Variants in SARDH observed in about 807,000 individuals in gnomAD.
SARDH encodes the protein sarcosine dehydrogenase.
Under a neutral mutation model 109.1 loss-of-function variants are expected in SARDH, and 95 were observed. The observed-to-expected ratio is 0.87, with a 90% CI of 0.74 to 1.03. The LOEUF (loss-of-function observed/expected upper bound fraction) is 1.03, where lower values mean the gene tolerates loss of function less well. Ranked by LOEUF, SARDH falls within the 50% of genes least tolerant of loss-of-function variation. The pLI is 0.00. For missense variants in SARDH, 1,267 were observed against 1,287.8 expected, an observed-to-expected ratio of 0.98 and a Z score of 0.25; for synonymous variants, 572 against 534.8, an observed-to-expected ratio of 1.07 and a Z score of -0.96.
chr9:133,718,570 G>T lies in SARDH; in HGVS notation c.1020+368C>A. ...CTGCCCTAACCCCAGAAGCTGCCCG[G>T]GAAACAGCCCAGGCCAGGGGAAATG... is the stretch of plus-strand genomic sequence containing the variant. On this transcript the variant is annotated intron_variant, in intron 7 of 20. Coordinates refer to ENST00000439388, the MANE Select transcript of SARDH (RefSeq NM_001134707.2). The surrounding 1 kb of genome is among the most constrained non-coding windows in gnomAD (Gnocchi z 4.2). The T allele has an allele frequency of 1.4e-6, 1 of 738,444 alleles. No individual in the cohort carries two copies. The allele number at this position is 738,444 out of a possible 1,614,324, so 45.7% of individuals were successfully genotyped here. A position where few individuals can be genotyped will look rare whatever the true frequency, so the allele number is the denominator to read the frequency against.
chr9:133,728,016 C>T lies in SARDH; in HGVS notation c.915+1749G>A, dbSNP rs1832553053. Reference sequence around the variant, plus strand: ...GAGACCTGAGCGTGACCCCTGGCGGCCACCTAGGGGAGGAGGCTCTCCCCA... The same window carrying T: ...GAGACCTGAGCGTGACCCCTGGCGGTCACCTAGGGGAGGAGGCTCTCCCCA... On this transcript the variant is annotated intron_variant, in intron 6 of 20. Transcript: ENST00000439388. The surrounding 1 kb of genome is among the most constrained non-coding windows in gnomAD (Gnocchi z 5.0). Among the ~76,000 whole-genome samples the T allele has an allele frequency of 3.3e-5, 5 of 152,226 alleles. No individual in the cohort carries two copies. The South Asian group carries it at 1.0e-3, about 32-fold the overall frequency.
Position 133,666,707 on chromosome 9 carries a change from C to T in SARDH, c.2631+28G>A, listed in dbSNP as rs1163052906. 1 of 1,570,528 alleles carries T rather than the reference C, an allele frequency of 6.4e-7. No homozygotes were observed. The highest frequency in any genetic ancestry group is 1.9e-5 in the Admixed American group (1 of 53,188). Reference sequence around the variant, plus strand: ...GAGCTGGTGAGGGATCGGCATCTGCCTTAGCAGGGCCAGAGAAGGGGACTC... The same window carrying T: ...GAGCTGGTGAGGGATCGGCATCTGCTTTAGCAGGGCCAGAGAAGGGGACTC... On this transcript the variant is annotated intron_variant, in intron 20 of 20. Coordinates refer to ENST00000439388, the MANE Select transcript of SARDH (RefSeq NM_001134707.2). This position sits in a 1 kb window ranked among gnomAD's most constrained non-coding sequence, Gnocchi z 5.2.
At chr9:133,716,186 AC>A (rs1227016421) in intron 8 of SARDH, among the ~76,000 whole-genome samples, 1 of 151,920 alleles carries the variant, frequency 6.6e-6, no homozygotes. Context: ...CCACCCAGTC[AC>A]CCCATGCCTC....
In SARDH at chr9:133,666,946, A is replaced by G; in HGVS notation, c.2496-76T>C. 1 of 1,575,818 alleles carries G rather than the reference A, an allele frequency of 6.3e-7. No homozygotes were observed. The highest frequency in any genetic ancestry group is 8.6e-7 in the Non-Finnish European group (1 of 1,158,164). ...ACGCGTCCACAGCGGCCTGGAGGAG[A>G]ATGGGGGGCTGCATGATGCACACCC... On this transcript the variant is annotated intron_variant, in intron 19 of 20. Transcript: ENST00000439388. This position sits in a 1 kb window ranked among gnomAD's most constrained non-coding sequence, Gnocchi z 5.2.
intron 20 of SARDH, among the ~76,000 whole-genome samples, 178 bp from the exon 21 acceptor site, chr9:133,664,192 G>A (rs754446213): frequency 6.6e-6 from 1 of 152,210 alleles, no homozygotes; most frequent in African/African-American, 2.4e-5. Flanking sequence ...TGCAGTTCGT[G>A]TCCATGTGAT....
At chr9:133,711,891 G>A (rs1007997544) in intron 10 of SARDH, among the ~76,000 whole-genome samples, 4 of 152,154 alleles carry the variant, frequency 2.6e-5, no homozygotes, top group African/African-American at 4.8e-5. Flanking sequence ...AGAGGCCACC[G>A]CCATGAGGAC....
chr9:133,722,779 A>T (rs923238678), intron 6 of SARDH, among the ~76,000 whole-genome samples: 2 of 151,644 alleles, frequency 1.3e-5, no homozygotes, highest in African/African-American at 4.9e-5. Context: ...GGTTCAAGTG[A>T]TTCTCCTGCC....
intron 14 of SARDH, among the ~76,000 whole-genome samples, chr9:133,695,164 C>G (rs1831238611): frequency 6.6e-6 from 1 of 152,182 alleles, no homozygotes; most frequent in Admixed American, 6.5e-5. Flanking sequence ...TGCTGTCCTT[C>G]TAACACGGTG....
rs59643474 is a variant in SARDH, at chr9:133,667,194, G to GTTT, written c.2496-327_2496-325dup. The GTTT allele has an allele frequency of 6.0e-4, 192 of 321,998 alleles. 1 individual carries two copies. Among genetic ancestry groups the GTTT allele is most frequent in the South Asian group, 8.9e-4 (17 of 19,134 alleles). 19.9% of individuals were successfully genotyped at this position (321,998 alleles called of 1,614,324 possible). On this transcript the variant is annotated intron_variant, in intron 19 of 20. Transcript: ENST00000439388. ...TTCCTTCCATTGTTGTTCAACTCTG[G>GTTT]TTTTTTTTTTTTTTTTTTTTTTGGT...
At chr9:133,688,112 G>A (rs776280626) in intron 16 of SARDH, among the ~76,000 whole-genome samples, 73 of 152,190 alleles carry the variant, frequency 4.8e-4, no homozygotes, top group Admixed American at 7.8e-4. Context: ...TGGCAATGAA[G>A]CCAGAGGATT....
chr9:133,659,795 C>T (rs957195052), downstream of SARDH, among the ~76,000 whole-genome samples: 1 of 152,286 alleles, frequency 6.6e-6, no homozygotes, highest in Middle Eastern at 3.4e-3. Flanking sequence ...CCTGGAGAGC[C>T]ACTCCGGCCC....
In SARDH at chr9:133,734,245, C is replaced by A. The variant is rs575836687; in HGVS notation, c.-30-42G>T. On this transcript the variant is annotated intron_variant, in intron 1 of 20. Transcript: ENST00000439388. ...AGCTGGGTGGGGTGCAGAGGGGACA[C>A]GCTGGGGGCTGTGCTGAGTACCCAG... 4.9e-5 allele frequency: 67 copies of A among 1,362,222 alleles called. 2 individuals carry two copies. The South Asian group carries it at 8.8e-4, about 18-fold the overall frequency. The allele number at this position is 1,362,222 out of a possible 1,614,324, so 84.4% of individuals were successfully genotyped here. A position where few individuals can be genotyped will look rare whatever the true frequency, so the allele number is the denominator to read the frequency against.
Position 133,703,027 on chromosome 9 carries a change from G to A in SARDH, c.1557C>T (p.Val519=). ...GWFHPRGPAP[V]LEYDYYGAYG... ...AAGCCCCGTAGTAGTCGTACTCGAG[G>A]ACCTGGGAAGAAAAGACGTGGTCCT... Residue 519 remains valine, a splice_region_variant and synonymous_variant, in exon 13 of 21, where the codon GTC becomes GTT. Coordinates refer to ENST00000439388, the MANE Select transcript of SARDH (RefSeq NM_001134707.2). 1.2e-6 allele frequency: 2 copies of A among 1,612,338 alleles called. No individual in the cohort carries two copies. The highest frequency in any genetic ancestry group is 4.5e-5 in the East Asian group (2 of 44,848).
chr9:133,666,145 G>T lies in SARDH; in HGVS notation c.2631+590C>A, dbSNP rs1262916149. Among the ~76,000 whole-genome samples, 1 of 152,178 alleles carries T rather than the reference G, an allele frequency of 6.6e-6. No individual in the cohort carries two copies. On this transcript the variant is annotated intron_variant, in intron 20 of 20. Coordinates refer to ENST00000439388, the MANE Select transcript of SARDH (RefSeq NM_001134707.2). The surrounding 1 kb of genome is among the most constrained non-coding windows in gnomAD (Gnocchi z 5.2). The stretch of plus-strand genomic sequence containing the variant: ...CTGTTCCTGCCTCCTGCAGCCAGGG[G>T]TCAGGGTCACCTGGAGGGGGTGGGG...
rs1588366395 is a variant in SARDH at position 133,666,521 on chromosome 9, T to C, written c.2631+214A>G. On this transcript the variant is annotated intron_variant, in intron 20 of 20. Coordinates refer to ENST00000439388, the MANE Select transcript of SARDH (RefSeq NM_001134707.2). The surrounding 1 kb of genome is among the most constrained non-coding windows in gnomAD (Gnocchi z 5.2). Reference sequence around the variant, plus strand: ...CCCTCCTCCCTCTCCCTCCTCCTCCTCCTTCCTCTCTCCCCTTTTTCCTTC... The same window carrying C: ...CCCTCCTCCCTCTCCCTCCTCCTCCCCCTTCCTCTCTCCCCTTTTTCCTTC... Among the ~76,000 whole-genome samples the C allele has an allele frequency of 1.6e-5, 2 of 124,564 alleles. No homozygotes were observed. The highest frequency in any genetic ancestry group is 3.1e-5 in the African/African-American group (1 of 32,142). 81.7% of individuals were successfully genotyped at this position (124,564 alleles called of 152,430 possible). A position where few individuals can be genotyped will look rare whatever the true frequency, so the allele number is the denominator to read the frequency against.
chr9:133,678,062 G>A (rs1030780196), intron 17 of SARDH, among the ~76,000 whole-genome samples: 1 of 152,196 alleles, frequency 6.6e-6, no homozygotes, highest in Non-Finnish European at 1.5e-5. Context: ...GGAGTTCTGT[G>A]GGATGCCATT....
chr9:133,705,119 A>C, intron 11 of SARDH, 88 bp from the exon 12 acceptor site: 2 of 1,328,470 alleles, frequency 1.5e-6, no homozygotes, highest in Non-Finnish European at 2.1e-6. Flanking sequence ...CTTTACACCC[A>C]AGGGTGCGGA....
At chr9:133,696,746 G>T (rs1045262304) in intron 13 of SARDH, among the ~76,000 whole-genome samples, 4 of 152,052 alleles carry the variant, frequency 2.6e-5, no homozygotes, top group South Asian at 2.1e-4. Context: ...TCAAAGAAAA[G>T]AATCACAAAG....
At chr9:133,673,073 G>A (rs139941732) in intron 17 of SARDH, among the ~76,000 whole-genome samples, 8 of 152,346 alleles carry the variant, frequency 5.3e-5, no homozygotes, top group Non-Finnish European at 8.8e-5. Flanking sequence ...CAGAGGCACT[G>A]AGCAGGGCCT....
Sources: allele counts gnomAD v4.1 joint callset (sites outside exome capture counted in the v4.1 genomes callset), GRCh38; gene constraint gnomAD v4.1.1; non-coding constraint Gnocchi (gnomAD v3.1); transcripts MANE v1.5; gene names NCBI Gene and HGNC (gene_info 2026-07-23, HGNC 2026-07-21).